Variants in HPSE2 observed in about 807,000 individuals in gnomAD.
HPSE2 encodes heparanase 2 (inactive).
In HPSE2, 38 loss-of-function variants were observed where a neutral mutation model predicts 60.5. That is an observed-to-expected ratio of 0.63 (90% CI 0.48 to 0.82). The LOEUF is 0.82. Ranked by LOEUF, HPSE2 falls within the 40% of genes least tolerant of loss-of-function variation. The pLI is 0.00. For synonymous variants in HPSE2, 295 were observed against 293.2 expected (o/e 1.01, Z -0.06); for missense variants, 713 against 740.4 (o/e 0.96, Z 0.43).
intron 6 of HPSE2, among the ~76,000 whole-genome samples, chr10:98,672,677 T>C (rs1947537015): frequency 6.6e-6 from 1 of 152,174 alleles, no homozygotes; most frequent in Admixed American, 6.5e-5. Flanking sequence ...TGCAAAGCAC[T>C]CAGCCCTTTC....
At chr10:99,173,604 G>T (rs115617441) in intron 2 of HPSE2, among the ~76,000 whole-genome samples, 1 of 152,138 alleles carries the variant, frequency 6.6e-6, no homozygotes, top group Non-Finnish European at 1.5e-5. Context: ...GAAAGGGTCT[G>T]TAAAACTTAT....
At chr10:98,610,476 T>C (rs373454799) in intron 9 of HPSE2, among the ~76,000 whole-genome samples, 1 of 152,172 alleles carries the variant, frequency 6.6e-6, no homozygotes, top group Non-Finnish European at 1.5e-5. Context: ...CACCATAGAC[T>C]AGTGAATTGT....
intron 3 of HPSE2, among the ~76,000 whole-genome samples, chr10:98,781,560 G>A (rs1181508222): frequency 6.6e-6 from 1 of 152,156 alleles, no homozygotes; most frequent in African/African-American, 2.4e-5. Flanking sequence ...AAAGACGTAA[G>A]CAAGTAATTT....
In HPSE2 at chr10:98,983,673, G is replaced by A. The variant is rs142228192; in HGVS notation, c.610+160565C>T. Among the ~76,000 whole-genome samples, 214 of 152,310 alleles carry A rather than the reference G, an allele frequency of 1.4e-3. 1 individual carries two copies. The highest frequency in any genetic ancestry group is 4.5e-3 in the African/African-American group (188 of 41,562). On this transcript the variant is annotated intron_variant, in intron 3 of 11. Coordinates refer to ENST00000370552, the MANE Select transcript of HPSE2 (RefSeq NM_021828.5). ...TGGGAAGTAAAGCTCAAACTTCGGCGTGAGCCAAAGCAGGGCAAGGCATCG... is the reference window on the plus strand; with the variant it reads ...TGGGAAGTAAAGCTCAAACTTCGGCATGAGCCAAAGCAGGGCAAGGCATCG...
intron 6 of HPSE2, among the ~76,000 whole-genome samples, chr10:98,653,411 T>C (rs1351987746): frequency 1.4e-5 from 2 of 146,044 alleles, no homozygotes; most frequent in African/African-American, 5.0e-5. Flanking sequence ...ATTCCTTGTA[T>C]CTGTTTTTTT....
At chr10:98,596,311 T>G (rs1424736517) in intron 9 of HPSE2, among the ~76,000 whole-genome samples, 1 of 144,290 alleles carries the variant, frequency 6.9e-6, no homozygotes, top group Non-Finnish European at 1.5e-5. Flanking sequence ...CCTAACAAAT[T>G]ATTGTTGCTA....
At chr10:98,758,108 A>G (rs1375120341) in intron 3 of HPSE2, among the ~76,000 whole-genome samples, 1 of 152,148 alleles carries the variant, frequency 6.6e-6, no homozygotes, top group Non-Finnish European at 1.5e-5. Context: ...CTATTCAATA[A>G]CTGGTGTTGG....
intron 9 of HPSE2, among the ~76,000 whole-genome samples, chr10:98,599,990 A>C (rs984612987): frequency 1.3e-5 from 2 of 152,182 alleles, no homozygotes; most frequent in African/African-American, 4.8e-5. Context: ...TCCTAAAGGG[A>C]ATCTGAGCCG....
intron 11 of HPSE2, chr10:98,461,918 T>C (rs1463965157): frequency 3.1e-5 from 28 of 895,086 alleles, no homozygotes; most frequent in Non-Finnish European, 1.6e-5. Flanking sequence ...GTTTCTTTAT[T>C]GGTTGGTTAA....
At chr10:98,984,751 T>C (rs1030503487) in intron 3 of HPSE2, among the ~76,000 whole-genome samples, 17 of 152,086 alleles carry the variant, frequency 1.1e-4, no homozygotes, top group Middle Eastern at 3.2e-3. Context: ...GAAAAAAGAT[T>C]AGAGGAATGG....
intron 3 of HPSE2, among the ~76,000 whole-genome samples, chr10:98,861,715 G>T: frequency 6.6e-6 from 1 of 152,156 alleles, no homozygotes; most frequent in East Asian, 1.9e-4. Flanking sequence ...GGATGCAGGA[G>T]AGGACAGATA....
At chr10:98,684,077 AC>A (rs1947851397) in intron 6 of HPSE2, among the ~76,000 whole-genome samples, 1 of 152,132 alleles carries the variant, frequency 6.6e-6, no homozygotes, top group South Asian at 2.1e-4. Context: ...CAACGTGTTG[AC>A]CTCTCATTTA....
chr10:99,042,813 G>A (rs1383980239), intron 3 of HPSE2, among the ~76,000 whole-genome samples: 1 of 152,078 alleles, frequency 6.6e-6, no homozygotes, highest in Non-Finnish European at 1.5e-5. Flanking sequence ...TGCTGAGGGG[G>A]TCACCTCTCT....
intron 6 of HPSE2, among the ~76,000 whole-genome samples, chr10:98,669,415 CAA>C (rs2134107525): frequency 6.6e-6 from 1 of 152,240 alleles, no homozygotes; most frequent in East Asian, 1.9e-4. Context: ...ATCGTTCTAC[CAA>C]AAAGACACAT....
At chr10:99,224,420 GACACACACACAC>G (rs34148639) in intron 2 of HPSE2, among the ~76,000 whole-genome samples, 9 of 143,586 alleles carry the variant, frequency 6.3e-5, no homozygotes, top group Non-Finnish European at 1.1e-4. Context: ...CTTTCTCTCT[GACACACACACAC>G]ACACACACAC....
At chr10:99,154,072 A>G (rs1355017729) in intron 2 of HPSE2, among the ~76,000 whole-genome samples, 1 of 151,164 alleles carries the variant, frequency 6.6e-6, no homozygotes, top group Non-Finnish European at 1.5e-5. Flanking sequence ...AAAAGAAATG[A>G]GCAAAGCCTC....
intron 3 of HPSE2, among the ~76,000 whole-genome samples, chr10:98,939,924 A>C (rs1190558813): frequency 6.9e-6 from 1 of 143,962 alleles, no homozygotes; most frequent in Non-Finnish European, 1.5e-5. Context: ...CAGGATTAAG[A>C]AACTCACTCA....
In HPSE2 at chr10:98,878,773, TA is replaced by T. The variant is rs1465175010; in HGVS notation, c.611-134718del. Among the ~76,000 whole-genome samples, 12 of 151,856 alleles carry T rather than the reference TA, an allele frequency of 7.9e-5. 1 individual carries two copies. Among genetic ancestry groups the T allele is most frequent in the Admixed American group, 7.9e-4 (12 of 15,210 alleles). On this transcript the variant is annotated intron_variant, in intron 3 of 11. Coordinates refer to ENST00000370552, the MANE Select transcript of HPSE2 (RefSeq NM_021828.5). ...AGAGATCGAATCAATTTTGTATAAT[TA>T]AAACATTACTCTGGCTCCAAGTCAA... is the stretch of plus-strand genomic sequence containing the variant.
intron 9 of HPSE2, among the ~76,000 whole-genome samples, chr10:98,518,050 TGGTGAGAAGA>T (rs1942661193): frequency 6.6e-6 from 1 of 152,168 alleles, no homozygotes. Context: ...TCCCAAAACA[TGGTGAGAAGA>T]GGTAACACTG....
Sources: allele counts gnomAD v4.1 joint callset (sites outside exome capture counted in the v4.1 genomes callset), GRCh38; gene constraint gnomAD v4.1.1; transcripts MANE v1.5; gene names NCBI Gene and HGNC (gene_info 2026-07-23, HGNC 2026-07-21).